ADGRD1: variants seen among roughly 807,000 people sequenced by gnomAD.
ADGRD1 encodes G-protein coupled receptor 133.
A neutral mutation model predicts 113.4 loss-of-function variants in ADGRD1; 77 were observed. The observed-to-expected ratio is 0.68, with a 90% CI of 0.57 to 0.82. The LOEUF (loss-of-function observed/expected upper bound fraction) is 0.82. Among genes scored for constraint, ADGRD1 ranks in the 40% least tolerant of loss-of-function variants. The probability of loss-of-function intolerance (pLI) is 0.00; values close to 1 mark genes in which losing one functional copy is unlikely to be tolerated. For missense variants in ADGRD1, 1,036 were observed against 1,139.1 expected (o/e 0.91, Z 1.30); for synonymous variants, 474 against 475.0 (o/e 1.00, Z 0.03).
rs869174962 is a variant in ADGRD1 at position 131,037,812 on chromosome 12, GA to G, written c.1473+23473del. ...CACCGGGTCTCACTCACTGCACCAG[GA>G]TCTTACTCACTGCATGGGGCCTCAC... On this transcript the variant is annotated intron_variant, in intron 13 of 24. Transcript: ENST00000261654. Among the ~76,000 whole-genome samples, 7 of 46,794 alleles carry G rather than the reference GA, an allele frequency of 1.5e-4. 1 individual carries two copies. The highest frequency in any genetic ancestry group is 2.7e-3 in the South Asian group (2 of 738). The allele number at this position is 46,794 out of a possible 152,430, so 30.7% of individuals were successfully genotyped here.
intron 4 of ADGRD1, among the ~76,000 whole-genome samples, chr12:130,974,409 A>G (rs1027651301): frequency 1.3e-5 from 2 of 152,350 alleles, no homozygotes; most frequent in East Asian, 3.9e-4. Context: ...ATTGAGCTTT[A>G]AAAATGGGTA....
chr12:131,093,591 C>T (rs1887058866), intron 15 of ADGRD1, among the ~76,000 whole-genome samples: 1 of 152,210 alleles, frequency 6.6e-6, no homozygotes, highest in Non-Finnish European at 1.5e-5. Flanking sequence ...GCTGTATTTG[C>T]GGTCCCGAGG....
intron 15 of ADGRD1, among the ~76,000 whole-genome samples, chr12:131,095,522 C>T (rs1405973332): frequency 6.6e-6 from 1 of 152,194 alleles, no homozygotes; most frequent in Admixed American, 6.5e-5. Context: ...GATCTTCTTT[C>T]GGGGCTACCC....
intron 13 of ADGRD1, among the ~76,000 whole-genome samples, chr12:131,055,409 C>T (rs1883774819): frequency 6.6e-6 from 1 of 152,202 alleles, no homozygotes; most frequent in Non-Finnish European, 1.5e-5. Flanking sequence ...TCGGGATGGG[C>T]TCATGTACAT....
intron 15 of ADGRD1, among the ~76,000 whole-genome samples, chr12:131,104,242 G>T (rs900948222): frequency 6.6e-6 from 1 of 151,752 alleles, no homozygotes; most frequent in African/African-American, 2.4e-5. Flanking sequence ...AGGCGGGGGC[G>T]GTAGCCAGCT....
rs186413258 is a variant in ADGRD1 at position 131,013,109 on chromosome 12, C to T, written c.1332-1090C>T. ...TTCTTCAATCTTGCCCTTCAGGTAC[C>T]TGGCTTCCCTCACCCTCCTCCTGGC... On this transcript the variant is annotated intron_variant, in intron 12 of 24. Coordinates refer to ENST00000261654, the MANE Select transcript of ADGRD1 (RefSeq NM_198827.5). Among the ~76,000 whole-genome samples, 867 of 152,280 alleles carry T rather than the reference C, an allele frequency of 5.7e-3. 1 individual carries two copies. Among genetic ancestry groups the T allele is most frequent in the Non-Finnish European group, 9.5e-3 (647 of 68,018 alleles).
rs574691268 is a variant in ADGRD1, at chr12:131,010,519, C to G, written c.1332-3680C>G. On this transcript the variant is annotated intron_variant, in intron 12 of 24. Coordinates refer to ENST00000261654, the MANE Select transcript of ADGRD1 (RefSeq NM_198827.5). ...TGAGTTCCTGAGCCGGTCTTCTGCA[C>G]AGGCTGGGAAGTCTCTGTGTCTCCT... 1.8e-4 allele frequency among the ~76,000 whole-genome samples: 28 copies of G among 152,352 alleles called. No homozygotes were observed. In the East Asian group the frequency reaches 3.1e-3, roughly 17 times the overall value.
Position 130,982,024 on chromosome 12 carries a change from G to T in ADGRD1, c.451G>T (p.Asp151Tyr), listed in dbSNP as rs1339815188. The T allele has an allele frequency of 1.2e-6, 2 of 1,614,038 alleles. No individual in the cohort carries two copies. The highest frequency in any genetic ancestry group is 3.3e-5 in the Admixed American group (2 of 60,020). ...GRGSVELYTR[D>Y]NSMTWEASFS... ...AGGCTCTGTGGAGCTGTATACGCGG[G>T]ACAATTCCATGACATGGGAGGCCTC... The change falls in exon 5 of 25, where the codon GAC becomes TAC. Residue 151 changes from aspartate (D) to tyrosine (Y), a missense_variant. Coordinates refer to ENST00000261654, the MANE Select transcript of ADGRD1 (RefSeq NM_198827.5).
intron 13 of ADGRD1, among the ~76,000 whole-genome samples, chr12:131,062,435 C>T (rs1026775088): frequency 1.3e-5 from 2 of 152,160 alleles, no homozygotes; most frequent in African/African-American, 4.8e-5. Context: ...GAGACAAATG[C>T]CCAGGAGTAC....
At chr12:131,026,752 T>G (rs1235641932) in intron 13 of ADGRD1, 2 of 152,158 alleles carry the variant, frequency 1.3e-5, no homozygotes, top group African/African-American at 4.8e-5. Flanking sequence ...GTTTGACAAC[T>G]AGATACGTCT....
chr12:131,051,504 G>A (rs1348580092), intron 13 of ADGRD1, among the ~76,000 whole-genome samples: 1 of 70,682 alleles, frequency 1.4e-5, no homozygotes, highest in African/African-American at 5.6e-5. Context: ...TTTTTTTGGA[G>A]CCAAAGTCTC....
At chr12:130,960,102 C>T (rs1870162656) in intron 2 of ADGRD1, among the ~76,000 whole-genome samples, 1 of 152,218 alleles carries the variant, frequency 6.6e-6, no homozygotes. Flanking sequence ...CCATAAATGG[C>T]ACTGGCCAAT....
chr12:131,092,882 C>CTT (rs71451397), intron 15 of ADGRD1, among the ~76,000 whole-genome samples: 2,798 of 143,664 alleles, frequency 0.019, 94 homozygotes, highest in African/African-American at 0.067. Flanking sequence ...TTTGGGATTT[C>CTT]TTTTTTTTTT....
intron 8 of ADGRD1, among the ~76,000 whole-genome samples, chr12:130,997,821 C>CAATCTCGGCACTT (rs1430145890): frequency 6.6e-6 from 1 of 152,174 alleles, no homozygotes; most frequent in Non-Finnish European, 1.5e-5. Context: ...GCAGAGGCTG[C>CAATCTCGGCACTT]AATCTCGGCA....
At chr12:130,997,187 G>GCC (rs1244409082) in intron 8 of ADGRD1, among the ~76,000 whole-genome samples, 4 of 45,336 alleles carry the variant, frequency 8.8e-5, no homozygotes, top group Admixed American at 2.2e-4. Context: ...GCGGGGGGCT[G>GCC]ACCCCCCCCC....
chr12:131,089,192 G>C (rs1007768655), intron 15 of ADGRD1, among the ~76,000 whole-genome samples: 8 of 152,348 alleles, frequency 5.3e-5, no homozygotes, highest in South Asian at 4.1e-4. Flanking sequence ...AGGAGCTGAG[G>C]GGGGAACTGG....
At chr12:130,963,858 G>A (rs1017778297) in intron 2 of ADGRD1, among the ~76,000 whole-genome samples, 3 of 152,178 alleles carry the variant, frequency 2.0e-5, no homozygotes, top group African/African-American at 7.2e-5. Flanking sequence ...AATTGGGATA[G>A]ATACTGCCAA....
At chr12:130,977,314 A>C (rs1258939673) in intron 4 of ADGRD1, 1 of 152,268 alleles carries the variant, frequency 6.6e-6, no homozygotes, top group African/African-American at 2.4e-5. Flanking sequence ...TCTTATTCCC[A>C]TGGGGAAAGT....
chr12:131,014,234 T>C lies in ADGRD1; in HGVS notation c.1367T>C (p.Leu456Pro), dbSNP rs774422237. Residue 456 changes from leucine (L) to proline (P), a missense_variant, in exon 13 of 25, where the codon CTG (leucine) becomes CCG (proline). Leu to Pro is a moderately conservative substitution (Grantham distance 98). Transcript: ENST00000261654. The part of the protein sequence containing the change: ...AEAMHHQDCL[L>P]FATSHLISLE... ...GCCATGCATCACCAGGACTGCCTGC[T>C]GTTCGCCACCAGCCACCTGATTTCC... The C allele has an allele frequency of 9.0e-5, 145 of 1,614,076 alleles. No homozygotes were observed. Among genetic ancestry groups the C allele is most frequent in the Non-Finnish European group, 1.2e-4 (143 of 1,180,010 alleles).
Sources: gnomAD v4.1 joint callset for allele counts (sites outside exome capture counted in the v4.1 genomes callset) on GRCh38, gnomAD v4.1.1 for gene constraint, MANE v1.5 for transcripts, NCBI Gene and HGNC (gene_info 2026-07-23, HGNC 2026-07-21) for gene names.